Variants in MUC6 observed in about 807,000 individuals in gnomAD.
MUC6 encodes the protein mucin 6, oligomeric mucus/gel-forming (gene/pseudogene), also known as mucin-6.
Under a neutral mutation model 201.5 loss-of-function variants are expected in MUC6, and 188 were observed. That is an observed-to-expected ratio of 0.93 (90% CI 0.83 to 1.05). MUC6 has a LOEUF of 1.05. Among genes scored for constraint, MUC6 ranks in the 50% least tolerant of loss-of-function variants. The pLI is 0.00. For synonymous variants in MUC6, 1,228 were observed against 1,389.4 expected, an observed-to-expected ratio of 0.88 and a Z score of 2.58; for missense variants, 2,706 against 3,256.9, an observed-to-expected ratio of 0.83 and a Z score of 4.12.
At position 1,032,943 on chromosome 11, in the gene MUC6, G is replaced by T; in HGVS notation, c.115+70C>A. On this transcript the variant is annotated intron_variant, in intron 2 of 32. Coordinates refer to ENST00000421673, the MANE Select transcript of MUC6 (RefSeq NM_005961.3). The stretch of plus-strand genomic sequence containing the variant: ...GTGTCTTGGGGGTGACCTGGGCTCC[G>T]GGCCCCTCTCTCCTGCACACCGGGC... 3 of 1,424,032 alleles carry T rather than the reference G, an allele frequency of 2.1e-6. No individual in the cohort carries two copies. The South Asian group carries it at 4.0e-5, about 19-fold the overall frequency. 88.2% of individuals were successfully genotyped at this position (1,424,032 alleles called of 1,614,324 possible). A position where few individuals can be genotyped will look rare whatever the true frequency, so the allele number is the denominator to read the frequency against.
rs1289017308 is a variant in MUC6, at chr11:1,031,610, G to A, written c.480C>T (p.Leu160=). 1 of 1,548,200 alleles carries A rather than the reference G, an allele frequency of 6.5e-7. No individual in the cohort carries two copies. Among genetic ancestry groups the A allele is most frequent in the Non-Finnish European group, 8.7e-7 (1 of 1,147,046 alleles). ...ACCCTGGCCCTTCTCTCCTCACCAT[G>A]AGGTGGCTGTCAGGACCCCACACGA... ...LEVVWGPDSH[L]MVLVERKYMG... Residue 160 remains leucine, a synonymous_variant, in exon 4 of 33, where the codon CTC becomes CTT. Coordinates refer to ENST00000421673, the MANE Select transcript of MUC6 (RefSeq NM_005961.3).
In MUC6 at chr11:1,026,947, A is replaced by G. The variant is rs1245810245; in HGVS notation, c.2388T>C (p.Val796=). 1.1e-5 allele frequency: 18 copies of G among 1,585,746 alleles called. No individual in the cohort carries two copies. Among genetic ancestry groups the G allele is most frequent in the Non-Finnish European group, 1.5e-5 (18 of 1,166,610 alleles). The part of the protein sequence containing the change: ...APTCQMLATG[V]ACVPTKCEPG... Reference sequence around the variant, plus strand: ...TCCTCGCGCGCCCCCTTACGCAGGCAACACCGGTGGCCAGCATCTGGCATG... The same window carrying G: ...TCCTCGCGCGCCCCCTTACGCAGGCGACACCGGTGGCCAGCATCTGGCATG... Residue 796 remains valine, a synonymous_variant, in exon 19 of 33, where the codon GTT becomes GTC. Coordinates refer to ENST00000421673, the MANE Select transcript of MUC6 (RefSeq NM_005961.3).
chr11:1,016,326 C>A lies in MUC6; in HGVS notation c.6475G>T (p.Val2159Phe), dbSNP rs1169593715. The change falls in exon 31 of 33, where the codon GTT becomes TTT. Residue 2159 changes from valine (V) to phenylalanine (F), a missense_variant. Around this residue, in one of 10 missense-constraint regions of MUC6, gnomAD observed 586 missense variants for 488.0 expected, o/e 1.20. Transcript: ENST00000421673. ...GACACGAAAGAGGAAGATGTGCCAA[C>A]AGAAGGCGATGAAGTCTGGGGAGAG... The part of the protein sequence containing the change: ...HSSPQTSSPS[V>F]GTSSSFVSAP... The A allele has an allele frequency of 1.2e-6, 2 of 1,611,178 alleles. No individual in the cohort carries two copies. Among genetic ancestry groups the A allele is most frequent in the Non-Finnish European group, 1.7e-6 (2 of 1,178,778 alleles).
chr11:1,024,537 G>C (rs1856904272), intron 24 of MUC6, among the ~76,000 whole-genome samples: 1 of 152,204 alleles, frequency 6.6e-6, no homozygotes, highest in African/African-American at 2.4e-5. Flanking sequence ...AGGTCTCCCT[G>C]ACCACCAGCT....
At position 1,031,955 on chromosome 11, in the gene MUC6, C is replaced by G; in HGVS notation, c.214G>C (p.Ala72Pro). 1 of 1,613,546 alleles carries G rather than the reference C, an allele frequency of 6.2e-7. No homozygotes were observed. The highest frequency in any genetic ancestry group is 8.5e-7 in the Non-Finnish European group (1 of 1,179,892). ...DFSGTCNYIF[A>P]ATCKDAFPTF... ...GGGAAGGCGTCCTTGCAGGTGGCCG[C>G]GAAGATGTAGTTGCACGTCCCCGAG... The change falls in exon 3 of 33, where the codon GCG (alanine) becomes CCG (proline). Residue 72 changes from alanine to proline, a missense_variant. Ala to Pro is a conservative substitution (Grantham distance 27). This residue lies in a region of MUC6 where 1,850 missense variants were observed against 1,958.3 expected (regional missense o/e 0.94). Coordinates refer to ENST00000421673, the MANE Select transcript of MUC6 (RefSeq NM_005961.3).
At position 1,033,618 on chromosome 11, in the gene MUC6, A is replaced by AG. The variant is rs1857159302; in HGVS notation, c.53-544dup. Among the ~76,000 whole-genome samples, 1 of 151,858 alleles carries AG rather than the reference A, an allele frequency of 6.6e-6. No homozygotes were observed. The highest frequency in any genetic ancestry group is 2.1e-4 in the South Asian group (1 of 4,806). On this transcript the variant is annotated intron_variant, in intron 1 of 32. Transcript: ENST00000421673. This position sits in a 1 kb window ranked among gnomAD's most constrained non-coding sequence, Gnocchi z 5.6. ...AGCCTTGATGTCAGGCCTGGCACTG[A>AG]GGCCACTGTTGTCAGAGAAACATCC...
At chr11:1,028,617 C>T (rs1857023543) in intron 13 of MUC6, 29 bp downstream of exon 13, 5 of 1,600,220 alleles carry the variant, frequency 3.1e-6, no homozygotes, top group East Asian at 2.3e-5. Flanking sequence ...GATGAGGCAA[C>T]AGGGCCACCT....
chr11:1,014,132 G>A, intron 31 of MUC6, 131 bp from the exon 32 acceptor site: 1 of 739,846 alleles, frequency 1.4e-6, no homozygotes, highest in South Asian at 1.8e-5. Flanking sequence ...CTCCCCTTGT[G>A]GAGCCCCACA....
In MUC6 at chr11:1,015,810, C is replaced by G; in HGVS notation, c.6991G>C (p.Ala2331Pro). 1 of 1,563,442 alleles carries G rather than the reference C, an allele frequency of 6.4e-7. No individual in the cohort carries two copies. Among genetic ancestry groups the G allele is most frequent in the South Asian group, 1.2e-5 (1 of 82,268 alleles). Residue 2331 changes from alanine to proline, a missense_variant, in exon 31 of 33, where the codon GCT becomes CCT. Ala to Pro is a conservative substitution (Grantham distance 27). Around this residue, in one of 10 missense-constraint regions of MUC6, gnomAD observed 586 missense variants for 488.0 expected, o/e 1.20. Transcript: ENST00000421673. ...CCGAGAGAAGATACCGGGGCAGAAG[C>G]AGGGGTGCTTCCATGGGCAGTGAGG... is the stretch of plus-strand genomic sequence containing the variant. Reference protein sequence around the residue: ...SSLTAHGSTPASAPVSSLGTP... With the variant: ...SSLTAHGSTPPSAPVSSLGTP...
intron 29 of MUC6, 32 bp downstream of exon 29, chr11:1,020,058 C>G: frequency 6.2e-7 from 1 of 1,609,726 alleles, no homozygotes; most frequent in South Asian, 1.1e-5. Flanking sequence ...CTGCAGCTGC[C>G]CTCTCCATGG....
rs1238786011 is a variant in MUC6, at chr11:1,025,963, G to C, written c.2688+37C>G. 8 of 1,592,098 alleles carry C rather than the reference G, an allele frequency of 5.0e-6. No homozygotes were observed. In the South Asian group the frequency reaches 6.8e-5, roughly 14 times the overall value. ...AGGAGCCCTGGAGGCCGTGCCTCTGGGTCCCCGGCCCCTGCGGCCTGGCAC... is the reference window on the plus strand; with the variant it reads ...AGGAGCCCTGGAGGCCGTGCCTCTGCGTCCCCGGCCCCTGCGGCCTGGCAC... On this transcript the variant is annotated intron_variant, in intron 21 of 32. Transcript: ENST00000421673.
At chr11:1,035,824 G>A (rs1187369437) in intron 1 of MUC6, among the ~76,000 whole-genome samples, 1 of 152,166 alleles carries the variant, frequency 6.6e-6, no homozygotes, top group South Asian at 2.1e-4. Context: ...GAGGAAGGAG[G>A]AGCACGGAAC....
chr11:1,015,340 G>A (rs1191534789), intron 31 of MUC6, among the ~76,000 whole-genome samples: 1 of 152,356 alleles, frequency 6.6e-6, no homozygotes, highest in Non-Finnish European at 1.5e-5. Flanking sequence ...AGACTTTTGT[G>A]TCTCTCTCTG....
chr11:1,025,432 G>A (rs1856932997), intron 22 of MUC6, 65 bp from the exon 23 acceptor site: 6 of 1,551,696 alleles, frequency 3.9e-6, no homozygotes, highest in Non-Finnish European at 5.2e-6. Context: ...CAGCCGTGCT[G>A]GACCGAGCTC....
In MUC6 at chr11:1,025,048, C is replaced by A. The variant is rs767267907; in HGVS notation, c.3021G>T (p.Gly1007=). 5.0e-6 allele frequency: 8 copies of A among 1,612,972 alleles called. No homozygotes were observed. Among genetic ancestry groups the A allele is most frequent in the Non-Finnish European group, 6.8e-6 (8 of 1,179,830 alleles). ...PLCGLCGNFN[G]NMKDDFETRS... The stretch of plus-strand genomic sequence containing the variant: ...GCGTCTCGAAGTCGTCCTTCATGTT[C>A]CCGTTGAAGTTGCCACACAAGCCGC... Residue 1007 remains glycine, a synonymous_variant, in exon 24 of 33, where the codon GGG becomes GGT. Coordinates refer to ENST00000421673, the MANE Select transcript of MUC6 (RefSeq NM_005961.3).
rs926820341 is a variant in MUC6 at position 1,025,880 on chromosome 11, G to A, written c.2724C>T (p.Phe908=). Residue 908 remains phenylalanine, a synonymous_variant, in exon 22 of 33, where the codon TTC becomes TTT. Transcript: ENST00000421673. ...AGATGACGTTCTCTGTCAGGATCTT[G>A]AAGGTGGGCTGTGAGTCGTTGACAC... ...VCGVNDSQPT[F]KILTENVICG... is the part of the protein sequence containing the mutation. 2.5e-6 allele frequency: 4 copies of A among 1,612,592 alleles called. No homozygotes were observed. The African/African-American group carries it at 4.0e-5, about 16-fold the overall frequency.
chr11:1,022,185 C>T (rs1212870430), intron 26 of MUC6, among the ~76,000 whole-genome samples: 2 of 149,926 alleles, frequency 1.3e-5, no homozygotes, highest in African/African-American at 2.5e-5. Context: ...TCTACAGCCC[C>T]GCGCCCCTCA....
At chr11:1,023,821 C>A in intron 25 of MUC6, 126 bp downstream of exon 25, 2 of 1,450,440 alleles carry the variant, frequency 1.4e-6, no homozygotes, top group South Asian at 2.7e-5. Flanking sequence ...CCAGGGTGGC[C>A]CCGCAGGGCA....
chr11:1,015,698 G>A, intron 31 of MUC6, 64 bp downstream of exon 31: 2 of 1,498,676 alleles, frequency 1.3e-6, no homozygotes, highest in Non-Finnish European at 1.8e-6. Flanking sequence ...CTGAGGCAGG[G>A]GCTGCCTGGG....
Sources: allele counts gnomAD v4.1 joint callset (sites outside exome capture counted in the v4.1 genomes callset), GRCh38; gene constraint gnomAD v4.1.1; regional missense constraint gnomAD v4.1.1; non-coding constraint Gnocchi (gnomAD v3.1); transcripts MANE v1.5; gene names NCBI Gene and HGNC (gene_info 2026-07-23, HGNC 2026-07-21).